The following IRAK2 variants were observed in gnomAD, a reference collection of about 807,000 sequenced individuals.
IRAK2 encodes interleukin 1 receptor associated kinase 2.
In IRAK2, 57 loss-of-function variants were observed where a neutral mutation model predicts 72.0. That is an observed-to-expected ratio of 0.79 (90% CI 0.64 to 0.99). The LOEUF (loss-of-function observed/expected upper bound fraction) is 0.99. Ranked by LOEUF, IRAK2 falls within the 50% of genes least tolerant of loss-of-function variation. IRAK2 has a pLI of 0.00. For synonymous variants in IRAK2, 293 were observed against 312.7 expected (o/e 0.94, Z 0.67); for missense variants, 790 against 794.4 (o/e 0.99, Z 0.07).
intron 1 of IRAK2, among the ~76,000 whole-genome samples, chr3:10,169,400 T>G (rs546927396): frequency 4.6e-5 from 7 of 152,262 alleles, no homozygotes; most frequent in South Asian, 2.1e-4. Flanking sequence ...CTCAACTGCA[T>G]CAGACAGACA....
chr3:10,233,965 C>G (rs986024808), intron 10 of IRAK2, among the ~76,000 whole-genome samples: 1 of 152,088 alleles, frequency 6.6e-6, no homozygotes, highest in African/African-American at 2.4e-5. Context: ...TAGGTTCAAG[C>G]AATTCCTCTG....
intron 1 of IRAK2, among the ~76,000 whole-genome samples, chr3:10,168,653 A>C (rs770995373): frequency 1.3e-5 from 2 of 152,184 alleles, no homozygotes; most frequent in East Asian, 1.9e-4. Context: ...TCTTTGGAGA[A>C]TACCTCTGCG....
At chr3:10,176,715 G>T (rs773739656) in intron 1 of IRAK2, among the ~76,000 whole-genome samples, 5 of 151,722 alleles carry the variant, frequency 3.3e-5, no homozygotes, top group Non-Finnish European at 7.4e-5. Flanking sequence ...CTGACCTTGC[G>T]ATCTGCCCGC....
At chr3:10,183,644 C>G (rs1696998346) in intron 2 of IRAK2, among the ~76,000 whole-genome samples, 1 of 152,084 alleles carries the variant, frequency 6.6e-6, no homozygotes, top group Non-Finnish European at 1.5e-5. Context: ...TGGTGGGAAC[C>G]CGGGAGGCGG....
rs558967382 is a variant in IRAK2, at chr3:10,221,071, G to A, written c.1013+1282G>A. On this transcript the variant is annotated intron_variant, in intron 8 of 12. Coordinates refer to ENST00000256458, the MANE Select transcript of IRAK2 (RefSeq NM_001570.4). ...CTGGCACACACACCCGTGCATTTGC[G>A]GGCGTGCACACACACACACGCTAAA... Among the ~76,000 whole-genome samples, 29 of 151,526 alleles carry A rather than the reference G, an allele frequency of 1.9e-4. No homozygotes were observed. In the South Asian group the frequency reaches 2.5e-3, roughly 13 times the overall value.
intron 2 of IRAK2, among the ~76,000 whole-genome samples, chr3:10,191,282 G>A (rs993536402): frequency 4.2e-5 from 6 of 141,864 alleles, no homozygotes; most frequent in Non-Finnish European, 7.7e-5. Flanking sequence ...GCAACAGAGC[G>A]AGAATCTGTC....
At chr3:10,179,860 A>G (rs1290154610) in intron 2 of IRAK2, among the ~76,000 whole-genome samples, 3 of 152,126 alleles carry the variant, frequency 2.0e-5, no homozygotes, top group Non-Finnish European at 2.9e-5. Flanking sequence ...GTGAGCCACC[A>G]TGCCCAGCCA....
At chr3:10,213,121 C>T in intron 4 of IRAK2, 86 bp from the exon 5 acceptor site, 1 of 1,121,548 alleles carries the variant, frequency 8.9e-7, no homozygotes, top group Admixed American at 1.9e-5. Context: ...CTCCATCCCT[C>T]CATCTCTGGT....
intron 1 of IRAK2, among the ~76,000 whole-genome samples, chr3:10,171,749 C>T (rs893270704): frequency 1.4e-5 from 2 of 147,480 alleles, no homozygotes; most frequent in African/African-American, 5.0e-5. Flanking sequence ...GGATTACAGG[C>T]GTGAGCCACT....
chr3:10,183,024 G>A (rs545788053), intron 2 of IRAK2, among the ~76,000 whole-genome samples: 65 of 152,134 alleles, frequency 4.3e-4, no homozygotes, highest in African/African-American at 1.3e-3. Flanking sequence ...TGCCCACCTC[G>A]GCCTTCCAAA....
At chr3:10,166,956 C>A (rs1482781385) in intron 1 of IRAK2, among the ~76,000 whole-genome samples, 1 of 152,124 alleles carries the variant, frequency 6.6e-6, no homozygotes, top group African/African-American at 2.4e-5. Flanking sequence ...GGCTTCACTA[C>A]TTTGAATGTT....
At chr3:10,220,289 G>C (rs1452312285) in intron 8 of IRAK2, among the ~76,000 whole-genome samples, 1 of 152,214 alleles carries the variant, frequency 6.6e-6, no homozygotes, top group Non-Finnish European at 1.5e-5. Context: ...ATGAGAGGGA[G>C]AGGTCCCCAT....
chr3:10,184,348 C>T (rs971536971), intron 2 of IRAK2, among the ~76,000 whole-genome samples: 4 of 152,204 alleles, frequency 2.6e-5, no homozygotes, highest in African/African-American at 7.2e-5. Flanking sequence ...GTTTCTGCCA[C>T]GGTCCATTTT....
chr3:10,240,025 T>TA (rs1395697101), intron 12 of IRAK2, among the ~76,000 whole-genome samples: 1 of 151,632 alleles, frequency 6.6e-6, no homozygotes, highest in Non-Finnish European at 1.5e-5. Flanking sequence ...CGTGTGCCTG[T>TA]AGTCCCAGCT....
At chr3:10,233,378 G>A (rs1402869261) in intron 10 of IRAK2, among the ~76,000 whole-genome samples, 1 of 151,914 alleles carries the variant, frequency 6.6e-6, no homozygotes, top group Non-Finnish European at 1.5e-5. Context: ...ACAATATTTA[G>A]TATGTTTGTA....
intron 12 of IRAK2, among the ~76,000 whole-genome samples, chr3:10,240,925 C>T (rs73028494): frequency 0.014 from 2,191 of 151,930 alleles, 22 homozygotes; most frequent in Non-Finnish European, 0.021. Flanking sequence ...GTCCCAGGCT[C>T]TGACCACTCC....
intron 2 of IRAK2, among the ~76,000 whole-genome samples, chr3:10,198,830 A>G (rs1304592217): frequency 6.6e-6 from 1 of 152,094 alleles, no homozygotes; most frequent in African/African-American, 2.4e-5. Flanking sequence ...CCCCTGTGTC[A>G]TGCTTTATGT....
In IRAK2 at chr3:10,209,610, ACC is replaced by A. The variant is rs1697486925; in HGVS notation, c.447_448del (p.His149GlnfsTer9). On this transcript the variant is annotated frameshift_variant, in exon 4 of 13. Coordinates refer to ENST00000256458, the MANE Select transcript of IRAK2 (RefSeq NM_001570.4). LOFTEE classifies it high-confidence loss of function. ...CCAGGGTCCTCTCCAGCCAGAGCCC[ACC>A]AGCCGGCCTTTCTCCAGCCTCCTGA... The A allele has an allele frequency of 1.9e-6, 3 of 1,566,656 alleles. No homozygotes were observed. In the East Asian group the frequency reaches 7.4e-5, roughly 39 times the overall value.
At chr3:10,241,089 G>C (rs1372940588) in intron 12 of IRAK2, among the ~76,000 whole-genome samples, 1 of 151,782 alleles carries the variant, frequency 6.6e-6, no homozygotes, top group Non-Finnish European at 1.5e-5. Flanking sequence ...AGGTTGCAGG[G>C]CTTCCTGCAA....
Sources: allele counts gnomAD v4.1 joint callset (sites outside exome capture counted in the v4.1 genomes callset), GRCh38; gene constraint gnomAD v4.1.1; transcripts MANE v1.5; gene names NCBI Gene and HGNC (gene_info 2026-07-23, HGNC 2026-07-21).